The following ERCC8 variants were observed in gnomAD, a reference collection of about 807,000 sequenced individuals.
ERCC8 encodes ERCC excision repair 8, CSA ubiquitin ligase complex subunit.
A neutral mutation model predicts 54.9 loss-of-function variants in ERCC8; 52 were observed. The ratio of observed to expected loss-of-function variants is 0.95; its 90% CI spans 0.76 to 1.19. The LOEUF is 1.19. Ranked by LOEUF, ERCC8 falls within the 50% of genes most tolerant of loss-of-function variation. ERCC8 has a pLI of 0.00. For synonymous variants in ERCC8, 146 were observed against 157.2 expected (o/e 0.93, Z 0.53); for missense variants, 514 against 466.1 (o/e 1.10, Z -0.95).
At chr5:60,915,788 T>C (rs1012379764) in intron 4 of ERCC8, among the ~76,000 whole-genome samples, 5 of 152,036 alleles carry the variant, frequency 3.3e-5, no homozygotes, top group South Asian at 2.1e-4. Flanking sequence ...TATGATTACA[T>C]TGGGCCCACT....
intron 10 of ERCC8, among the ~76,000 whole-genome samples, chr5:60,888,179 G>A (rs561122971): frequency 5.9e-5 from 9 of 151,920 alleles, no homozygotes; most frequent in Non-Finnish European, 1.2e-4. Flanking sequence ...TTTTATTATT[G>A]TACATCTCAA....
intron 9 of ERCC8, chr5:60,893,453 G>T: frequency 1.0e-6 from 1 of 964,728 alleles, no homozygotes; most frequent in Non-Finnish European, 1.7e-6. Context: ...ATGATCATTG[G>T]AGTGAACAAA....
rs869039109 is a variant in ERCC8 at position 60,904,634 on chromosome 5, G to GTATATA, written c.481+152_481+157dup. 4.0e-3 allele frequency among the ~76,000 whole-genome samples: 197 copies of GTATATA among 49,788 alleles called. 5 individuals are homozygous for GTATATA. Among genetic ancestry groups the GTATATA allele is most frequent in the African/African-American group, 7.0e-3 (83 of 11,798 alleles). 32.7% of individuals were successfully genotyped at this position (49,788 alleles called of 152,430 possible). ...TTGAATATATATAGTGTGTGTGTGT[G>GTATATA]TATATATATATATATATATATATAT... On this transcript the variant is annotated intron_variant, in intron 5 of 11. Transcript: ENST00000676185.
chr5:60,915,173 T>C (rs1749395478), intron 4 of ERCC8: 2 of 152,096 alleles, frequency 1.3e-5, no homozygotes, highest in African/African-American at 4.8e-5. Flanking sequence ...TTTAAGTGTT[T>C]AGAATAACTT....
At chr5:60,907,611 G>A (rs1403200288) in intron 4 of ERCC8, 1 of 152,080 alleles carries the variant, frequency 6.6e-6, no homozygotes, top group East Asian at 1.9e-4. Context: ...CCCCCTACTT[G>A]TGTTCAGATT....
chr5:60,923,788 CA>C (rs1187406803), intron 2 of ERCC8, among the ~76,000 whole-genome samples: 3 of 152,042 alleles, frequency 2.0e-5, no homozygotes, highest in Non-Finnish European at 4.4e-5. Context: ...ATCCCAATTA[CA>C]AATATACATT....
At chr5:60,940,927 A>C (rs1313243417) in intron 1 of ERCC8, among the ~76,000 whole-genome samples, 1 of 152,234 alleles carries the variant, frequency 6.6e-6, no homozygotes, top group Non-Finnish European at 1.5e-5. Context: ...TTCAACTTGC[A>C]TGGGAAAAGA....
At chr5:60,875,541 T>C (rs982084684) in intron 11 of ERCC8, among the ~76,000 whole-genome samples, 1 of 152,216 alleles carries the variant, frequency 6.6e-6, no homozygotes, top group Admixed American at 6.5e-5. Flanking sequence ...GATGGTCTCA[T>C]TGTTAAAGTA....
Position 60,909,140 on chromosome 5 carries a change from CA to C in ERCC8, c.400-4268del, listed in dbSNP as rs545945689. Among the ~76,000 whole-genome samples, 817 of 149,640 alleles carry C rather than the reference CA, an allele frequency of 5.5e-3. 2 individuals are homozygous for C. The highest frequency in any genetic ancestry group is 8.0e-3 in the Non-Finnish European group (538 of 67,488). ...AATAGGATGAGAAGCTTCTGCCCAC[CA>C]AAAGGCAGCAGATGAGTTTCCAGAT... On this transcript the variant is annotated intron_variant, in intron 4 of 11. Coordinates refer to ENST00000676185, the MANE Select transcript of ERCC8 (RefSeq NM_000082.4).
chr5:60,904,956 T>A (rs144440143), intron 4 of ERCC8, 83 bp from the exon 5 acceptor site: 5 of 672,432 alleles, frequency 7.4e-6, no homozygotes, highest in African/African-American at 7.3e-5. Context: ...TTTTCCTAAA[T>A]TTTTAGCTAT....
chr5:60,911,752 T>C (rs1035089641), intron 4 of ERCC8, among the ~76,000 whole-genome samples: 132 of 106,188 alleles, frequency 1.2e-3, no homozygotes, highest in African/African-American at 4.2e-3. Context: ...TAATCCATCT[T>C]GAATTAATTT....
chr5:60,923,869 A>G (rs1749671417), intron 2 of ERCC8, among the ~76,000 whole-genome samples: 1 of 152,144 alleles, frequency 6.6e-6, no homozygotes, highest in Non-Finnish European at 1.5e-5. Flanking sequence ...ATCTCTCTAC[A>G]TCATCACTCT....
rs370536140 is a variant in ERCC8 at position 60,945,048 on chromosome 5, T to A, written c.-40A>T. 3.4e-5 allele frequency: 53 copies of A among 1,566,544 alleles called. No individual in the cohort carries two copies. The African/African-American group carries it at 6.2e-4, about 18-fold the overall frequency. ...CCGGCTGGAGCACTGGACGTCGCCATGACAGAGCTCAGGGGCGGGACTGGA... is the reference window on the plus strand; with the variant it reads ...CCGGCTGGAGCACTGGACGTCGCCAAGACAGAGCTCAGGGGCGGGACTGGA... On this transcript the variant is annotated 5_prime_UTR_variant, in exon 1 of 12. It removes an upstream start codon present in the reference 5' UTR. Transcript: ENST00000676185.
intron 11 of ERCC8, among the ~76,000 whole-genome samples, chr5:60,876,813 T>C (rs1748024706): frequency 2.6e-5 from 4 of 152,240 alleles, no homozygotes; most frequent in Admixed American, 2.0e-4. Context: ...GCAAAAATTT[T>C]CTCCCATTCT....
intron 10 of ERCC8, among the ~76,000 whole-genome samples, chr5:60,889,686 T>G (rs1045036461): frequency 6.6e-6 from 1 of 152,202 alleles, no homozygotes; most frequent in South Asian, 2.1e-4. Flanking sequence ...TTAGAGTACC[T>G]GGGATGAAAT....
intron 9 of ERCC8, among the ~76,000 whole-genome samples, chr5:60,897,831 T>C (rs2112485326): frequency 6.6e-6 from 1 of 152,362 alleles, no homozygotes; most frequent in South Asian, 2.1e-4. Flanking sequence ...AATCTGAATA[T>C]TCAAAATCTG....
intron 4 of ERCC8, among the ~76,000 whole-genome samples, chr5:60,906,327 C>G (rs1012668197): frequency 1.3e-5 from 2 of 151,772 alleles, no homozygotes; most frequent in Non-Finnish European, 2.9e-5. Context: ...TGAGCCACTG[C>G]TGGGCCTATG....
Position 60,890,829 on chromosome 5 carries a change from C to T in ERCC8, c.1041+60G>A. 4.2e-6 allele frequency: 5 copies of T among 1,184,562 alleles called. 1 individual carries two copies. The highest frequency in any genetic ancestry group is 5.0e-6 in the Non-Finnish European group (4 of 794,214). 73.4% of individuals were successfully genotyped at this position (1,184,562 alleles called of 1,614,324 possible). On this transcript the variant is annotated intron_variant, in intron 10 of 11. Coordinates refer to ENST00000676185, the MANE Select transcript of ERCC8 (RefSeq NM_000082.4). ...AATAAAATCATAATTTATTCTTTTA[C>T]ATATAACTGGTCTGGCAAGCTAGCT... is the stretch of plus-strand genomic sequence containing the variant.
At chr5:60,880,927 G>C (rs549396471) in intron 11 of ERCC8, among the ~76,000 whole-genome samples, 1 of 152,306 alleles carries the variant, frequency 6.6e-6, no homozygotes, top group Non-Finnish European at 1.5e-5. Flanking sequence ...TCCTTTGGAG[G>C]AGGAGAGGTG....
Sources: gnomAD v4.1 joint callset for allele counts (sites outside exome capture counted in the v4.1 genomes callset) on GRCh38, gnomAD v4.1.1 for gene constraint, MANE v1.5 for transcripts, NCBI Gene and HGNC (gene_info 2026-07-23, HGNC 2026-07-21) for gene names.